The following AKT3 variants were observed in gnomAD, a reference collection of about 807,000 sequenced individuals.
The protein encoded by AKT3 is AKT serine/threonine kinase 3, also known as RAC-gamma serine/threonine-protein kinase.
Under a neutral mutation model 65.3 loss-of-function variants are expected in AKT3, and 15 were observed. That is an observed-to-expected ratio of 0.23 (90% CI 0.15 to 0.35). The LOEUF (loss-of-function observed/expected upper bound fraction) is 0.35. Ranked by LOEUF, AKT3 falls within the 10% of genes least tolerant of loss-of-function variation. AKT3 has a pLI of 1.00. For synonymous variants in AKT3, 206 were observed against 183.8 expected (o/e 1.12, Z -0.98); for missense variants, 243 against 576.5 (o/e 0.42, Z 5.92).
At chr1:243,602,929 A>G (rs914255943) in intron 8 of AKT3, among the ~76,000 whole-genome samples, 2 of 152,312 alleles carry the variant, frequency 1.3e-5, no homozygotes, top group East Asian at 1.9e-4. Flanking sequence ...CAGAGGTCCA[A>G]CAAATAAGCC....
chr1:243,684,767 C>T (rs138755910), intron 3 of AKT3, among the ~76,000 whole-genome samples: 20 of 152,300 alleles, frequency 1.3e-4, no homozygotes, highest in Admixed American at 2.6e-4. Flanking sequence ...AATTTACACT[C>T]CCACCAATAG....
intron 2 of AKT3, among the ~76,000 whole-genome samples, chr1:243,736,268 A>G (rs1319884644): frequency 6.6e-6 from 1 of 152,224 alleles, no homozygotes; most frequent in East Asian, 1.9e-4. Flanking sequence ...GTTATTTTAT[A>G]TAAACCAATT....
intron 3 of AKT3, among the ~76,000 whole-genome samples, chr1:243,693,709 TA>T (rs1214248158): frequency 6.6e-6 from 1 of 152,198 alleles, no homozygotes; most frequent in Non-Finnish European, 1.5e-5. Context: ...CTTCAGCTAG[TA>T]TCCATTTCAG....
intron 8 of AKT3, among the ~76,000 whole-genome samples, chr1:243,575,678 G>C (rs1382610854): frequency 1.3e-5 from 2 of 152,118 alleles, no homozygotes; most frequent in African/African-American, 4.8e-5. Flanking sequence ...ATCATGTAAG[G>C]AGACTTGATA....
chr1:243,793,402 A>G (rs965316183), intron 2 of AKT3: 1 of 152,032 alleles, frequency 6.6e-6, no homozygotes, highest in African/African-American at 2.4e-5. Flanking sequence ...ATTTTTATAC[A>G]TTTTCAACTG....
chr1:243,762,866 TG>T (rs893696202), intron 2 of AKT3, among the ~76,000 whole-genome samples: 6 of 152,046 alleles, frequency 3.9e-5, no homozygotes, highest in African/African-American at 1.4e-4. Context: ...ACTTACTTTA[TG>T]ACATAAAGAC....
intron 2 of AKT3, among the ~76,000 whole-genome samples, chr1:243,722,201 G>A (rs977500889): frequency 2.6e-5 from 4 of 152,050 alleles, no homozygotes; most frequent in Admixed American, 1.3e-4. Flanking sequence ...ATATATATTC[G>A]TGTTGCAAGG....
chr1:243,649,614 C>T (rs574627132), intron 4 of AKT3, among the ~76,000 whole-genome samples: 1 of 151,976 alleles, frequency 6.6e-6, no homozygotes, highest in Non-Finnish European at 1.5e-5. Context: ...CTCCCTGTGT[C>T]CATGTGTTCT....
chr1:243,629,924 G>A (rs1679478262), intron 6 of AKT3, among the ~76,000 whole-genome samples: 1 of 152,130 alleles, frequency 6.6e-6, no homozygotes, highest in African/African-American at 2.4e-5. Context: ...GCCAGAAAGG[G>A]AGAAAGAGAC....
At chr1:243,691,411 T>A (rs370407131) in intron 3 of AKT3, among the ~76,000 whole-genome samples, 1 of 152,152 alleles carries the variant, frequency 6.6e-6, no homozygotes, top group Non-Finnish European at 1.5e-5. Context: ...AGTTATGATA[T>A]AATTTTAGAA....
At chr1:243,667,614 T>C (rs1682888004) in intron 3 of AKT3, among the ~76,000 whole-genome samples, 1 of 152,216 alleles carries the variant, frequency 6.6e-6, no homozygotes, top group South Asian at 2.1e-4. Flanking sequence ...AAACTTAGAA[T>C]AGCTTTTCCC....
intron 2 of AKT3, among the ~76,000 whole-genome samples, chr1:243,731,227 G>A (rs1484569907): frequency 6.6e-6 from 1 of 152,170 alleles, no homozygotes; most frequent in Non-Finnish European, 1.5e-5. Flanking sequence ...ATAATAGCCT[G>A]CTGTAGATAT....
At chr1:243,654,360 GTTTA>G (rs1181533749) in intron 4 of AKT3, among the ~76,000 whole-genome samples, 1 of 152,102 alleles carries the variant, frequency 6.6e-6, no homozygotes, top group Non-Finnish European at 1.5e-5. Context: ...TTATTTATTG[GTTTA>G]TTTAAGCATT....
intron 2 of AKT3, among the ~76,000 whole-genome samples, chr1:243,789,175 C>T (rs964518189): frequency 1.3e-5 from 2 of 152,102 alleles, no homozygotes; most frequent in Admixed American, 1.3e-4. Context: ...GCGAGGAGTT[C>T]GAAAACAGCC....
intron 2 of AKT3, among the ~76,000 whole-genome samples, chr1:243,772,133 A>G (rs1320619192): frequency 2.6e-5 from 4 of 152,216 alleles, no homozygotes; most frequent in Admixed American, 6.5e-5. Flanking sequence ...GCATAGGCAA[A>G]GACTTCATGT....
At chr1:243,632,432 A>G (rs1234244653) in intron 6 of AKT3, among the ~76,000 whole-genome samples, 1 of 152,224 alleles carries the variant, frequency 6.6e-6, no homozygotes, top group Non-Finnish European at 1.5e-5. Context: ...GGCCTAAAAT[A>G]TTCAGTAAAA....
chr1:243,519,470 T>C (rs1215746271), intron 12 of AKT3, among the ~76,000 whole-genome samples: 7 of 152,100 alleles, frequency 4.6e-5, no homozygotes, highest in Admixed American at 3.3e-4. Context: ...GTCAAAGCAA[T>C]ATTGGACAGG....
chr1:243,816,733 A>C (rs2148412297), intron 2 of AKT3, among the ~76,000 whole-genome samples: 1 of 152,282 alleles, frequency 6.6e-6, no homozygotes, highest in Admixed American at 6.5e-5. Context: ...ACAAACTACA[A>C]ACATTCATGG....
chr1:243,645,841 G>A lies in AKT3; in HGVS notation c.429+52C>T, dbSNP rs1680768985. On this transcript the variant is annotated intron_variant, in intron 5 of 13. Coordinates refer to ENST00000673466, the MANE Select transcript of AKT3 (RefSeq NM_005465.7). ...TTCTGCAAATGGTAGCTTTTAATATGTTTCTTCCAGACAAATGAATGCTGT... is the reference window on the plus strand; with the variant it reads ...TTCTGCAAATGGTAGCTTTTAATATATTTCTTCCAGACAAATGAATGCTGT... 3 of 1,487,146 alleles carry A rather than the reference G, an allele frequency of 2.0e-6. No homozygotes were observed. The South Asian group carries it at 4.1e-5, about 20-fold the overall frequency. The allele number at this position is 1,487,146 out of a possible 1,614,324, so 92.1% of individuals were successfully genotyped here. A position where few individuals can be genotyped will look rare whatever the true frequency, so the allele number is the denominator to read the frequency against.
Sources: allele counts gnomAD v4.1 joint callset (sites outside exome capture counted in the v4.1 genomes callset), GRCh38; gene constraint gnomAD v4.1.1; transcripts MANE v1.5; gene names NCBI Gene and HGNC (gene_info 2026-07-23, HGNC 2026-07-21).